HIPK2: variants seen among roughly 807,000 people sequenced by gnomAD.
The protein encoded by HIPK2 is homeodomain interacting protein kinase 2.
In HIPK2, 27 loss-of-function variants were observed where a neutral mutation model predicts 113.7. That is an observed-to-expected ratio of 0.24 (90% CI 0.17 to 0.33). The LOEUF is 0.33. Ranked by LOEUF, HIPK2 falls within the 10% of genes least tolerant of loss-of-function variation. The pLI is 1.00. For missense variants in HIPK2, 1,257 were observed against 1,588.0 expected (o/e 0.79, Z 3.54); for synonymous variants, 631 against 642.2 (o/e 0.98, Z 0.26).
Position 139,716,025 on chromosome 7 carries a change from C to A in HIPK2, c.1010G>T (p.Arg337Ile). Residue 337 changes from arginine (R) to isoleucine (I), a missense_variant, in exon 2 of 15, where the codon AGA becomes ATA. This residue lies in a region of HIPK2 where 84 missense variants were observed against 182.2 expected (regional missense o/e 0.46). Transcript: ENST00000406875. This position sits in a 1 kb window ranked among gnomAD's most constrained non-coding sequence, Gnocchi z 9.3. ...PENIMLVDPSRQPYRVKVIDF... is the reference protein window; with the variant it reads ...PENIMLVDPSIQPYRVKVIDF... The stretch of plus-strand genomic sequence containing the variant: ...GATGACCTTGACTCTGTATGGTTGT[C>A]TAGATGGATCCACCAGCATGATGTT... The A allele has an allele frequency of 6.2e-7, 1 of 1,614,112 alleles. No homozygotes were observed. Among genetic ancestry groups the A allele is most frequent in the South Asian group, 1.1e-5 (1 of 91,080 alleles).
intron 2 of HIPK2, among the ~76,000 whole-genome samples, chr7:139,674,785 G>A (rs10262189): frequency 0.52 from 79,275 of 152,002 alleles, 21,651 homozygotes; most frequent in Non-Finnish European, 0.6. Context: ...ACTAAGTAAA[G>A]CCTGGTTTAT....
chr7:139,686,855 A>G (rs1173999244), intron 2 of HIPK2, among the ~76,000 whole-genome samples: 1 of 152,258 alleles, frequency 6.6e-6, no homozygotes, highest in Non-Finnish European at 1.5e-5. Context: ...TGTGGCTCAA[A>G]TGTTATCAAA....
intron 13 of HIPK2, among the ~76,000 whole-genome samples, chr7:139,582,307 G>A (rs1028014753): frequency 2.6e-5 from 4 of 152,348 alleles, no homozygotes; most frequent in East Asian, 1.9e-4. Context: ...CAGAATGCTC[G>A]CCCTGGCATG....
chr7:139,735,730 C>A (rs1184898813), intron 1 of HIPK2, among the ~76,000 whole-genome samples: 1 of 152,212 alleles, frequency 6.6e-6, no homozygotes, highest in Non-Finnish European at 1.5e-5. Flanking sequence ...CCCCTTTACA[C>A]ACGAGAGTGC....
At chr7:139,592,117 A>G (rs912823312) in intron 12 of HIPK2, among the ~76,000 whole-genome samples, 2 of 152,272 alleles carry the variant, frequency 1.3e-5, no homozygotes, top group African/African-American at 4.8e-5. Flanking sequence ...TAAACAAGGA[A>G]AACATTTCGG....
At chr7:139,657,683 T>A (rs140280772) in intron 2 of HIPK2, among the ~76,000 whole-genome samples, 10 of 152,342 alleles carry the variant, frequency 6.6e-5, no homozygotes, top group Non-Finnish European at 1.3e-4. Flanking sequence ...ACACCTTCCA[T>A]TAAACTGTAA....
rs1312174676 is a variant in HIPK2, at chr7:139,613,347, A to G, written c.1991-24T>C. 2 of 1,611,828 alleles carry G rather than the reference A, an allele frequency of 1.2e-6. No individual in the cohort carries two copies. The highest frequency in any genetic ancestry group is 1.7e-5 in the Admixed American group (1 of 59,776). Reference sequence around the variant, plus strand: ...GCCTGTTCCAGACAGTGTGAGGGAGAGAAGGGTTAGCTGAGACGCTGTGAA... The same window carrying G: ...GCCTGTTCCAGACAGTGTGAGGGAGGGAAGGGTTAGCTGAGACGCTGTGAA... On this transcript the variant is annotated intron_variant, in intron 8 of 14. Transcript: ENST00000406875. The surrounding 1 kb of genome is among the most constrained non-coding windows in gnomAD (Gnocchi z 4.2).
intron 2 of HIPK2, among the ~76,000 whole-genome samples, chr7:139,644,640 G>A (rs1023649082): frequency 6.6e-6 from 1 of 152,236 alleles, no homozygotes; most frequent in African/African-American, 2.4e-5. Flanking sequence ...GAAGCCGAGG[G>A]TTGAAACTGG....
chr7:139,680,913 G>A (rs965832627), intron 2 of HIPK2, among the ~76,000 whole-genome samples: 1 of 152,214 alleles, frequency 6.6e-6, no homozygotes, highest in Non-Finnish European at 1.5e-5. Flanking sequence ...CAGCCACAGG[G>A]CCACTGTGCT....
intron 2 of HIPK2, among the ~76,000 whole-genome samples, chr7:139,653,340 CAA>C (rs984511493): frequency 1.3e-5 from 2 of 151,746 alleles, no homozygotes; most frequent in African/African-American, 4.9e-5. Context: ...CAACTACAGA[CAA>C]AGAGACATTT....
At position 139,630,682 on chromosome 7, in the gene HIPK2, G is replaced by A. The variant is rs896237441; in HGVS notation, c.1347+483C>T. ...CGAAGTGCTGGGATTACAGGCGTGA[G>A]CCACCACGCTCCCTCTTCATTCTTT... On this transcript the variant is annotated intron_variant, in intron 4 of 14. Coordinates refer to ENST00000406875, the MANE Select transcript of HIPK2 (RefSeq NM_022740.5). This position sits in a 1 kb window ranked among gnomAD's most constrained non-coding sequence, Gnocchi z 4.0. Among the ~76,000 whole-genome samples, 13 of 152,248 alleles carry A rather than the reference G, an allele frequency of 8.5e-5. No homozygotes were observed. The highest frequency in any genetic ancestry group is 3.1e-4 in the African/African-American group (13 of 41,464).
intron 2 of HIPK2, among the ~76,000 whole-genome samples, chr7:139,675,278 G>A (rs1475167525): frequency 6.6e-6 from 1 of 152,070 alleles, no homozygotes; most frequent in Non-Finnish European, 1.5e-5. Flanking sequence ...GCTAACCACC[G>A]AGAACACAAA....
In HIPK2 at chr7:139,714,075, C is replaced by G. The variant is rs752321307; in HGVS notation, c.1103+1857G>C. ...CACAGAGTGGATGGCCTGGTCAGGA[C>G]GAGGGAGTGGAGAGCAAGTGGAGGG... On this transcript the variant is annotated intron_variant, in intron 2 of 14. Coordinates refer to ENST00000406875, the MANE Select transcript of HIPK2 (RefSeq NM_022740.5). The surrounding 1 kb of genome is among the most constrained non-coding windows in gnomAD (Gnocchi z 4.2). Among the ~76,000 whole-genome samples the G allele has an allele frequency of 6.6e-6, 1 of 152,112 alleles. No individual in the cohort carries two copies. Among genetic ancestry groups the G allele is most frequent in the Non-Finnish European group, 1.5e-5 (1 of 68,030 alleles).
chr7:139,755,353 C>T (rs1406024904), intron 1 of HIPK2, among the ~76,000 whole-genome samples: 1 of 152,210 alleles, frequency 6.6e-6, no homozygotes, highest in Non-Finnish European at 1.5e-5. Context: ...AGCTGATGAC[C>T]TCAGAACTTC....
At chr7:139,610,829 TAAC>T (rs932580445) in intron 9 of HIPK2, among the ~76,000 whole-genome samples, 8 of 152,190 alleles carry the variant, frequency 5.3e-5, no homozygotes, top group Non-Finnish European at 1.2e-4. Context: ...ACCAGGTATG[TAAC>T]AACAGGCAGA....
At chr7:139,642,033 C>T (rs1801044313) in intron 2 of HIPK2, among the ~76,000 whole-genome samples, 2 of 152,180 alleles carry the variant, frequency 1.3e-5, no homozygotes, top group Admixed American at 1.3e-4. Flanking sequence ...ACAGTTTAAA[C>T]TCCTTGGAAG....
intron 1 of HIPK2, among the ~76,000 whole-genome samples, chr7:139,756,449 G>C (rs1175731820): frequency 6.6e-6 from 1 of 152,108 alleles, no homozygotes; most frequent in Non-Finnish European, 1.5e-5. Flanking sequence ...TTTTGAGACG[G>C]AGTCTCGCTC....
intron 2 of HIPK2, among the ~76,000 whole-genome samples, chr7:139,670,058 T>A (rs1381237925): frequency 6.6e-6 from 1 of 152,260 alleles, no homozygotes; most frequent in Non-Finnish European, 1.5e-5. Flanking sequence ...TTGAAATTAC[T>A]CTCAAATTGC....
intron 1 of HIPK2, among the ~76,000 whole-genome samples, chr7:139,773,300 A>G (rs1796683888): frequency 6.6e-6 from 1 of 152,182 alleles, no homozygotes; most frequent in Admixed American, 6.5e-5. Context: ...AGATCTGCCT[A>G]TACTGTAGGT....
Sources: gnomAD v4.1 joint callset for allele counts (sites outside exome capture counted in the v4.1 genomes callset) on GRCh38, gnomAD v4.1.1 for gene constraint, gnomAD v4.1.1 regional missense constraint, Gnocchi (gnomAD v3.1) non-coding constraint, MANE v1.5 for transcripts, NCBI Gene and HGNC (gene_info 2026-07-23, HGNC 2026-07-21) for gene names.